Variants in ADAMTS18 observed in about 807,000 individuals in gnomAD.
ADAMTS18 encodes ADAM metallopeptidase with thrombospondin type 1 motif 18, also known as A disintegrin and metalloproteinase with thrombospondin motifs 18.
ADAMTS18 carries 157 observed loss-of-function variants against 165.9 expected under a neutral mutation model. The ratio of observed to expected loss-of-function variants is 0.95; its 90% confidence interval spans 0.83 to 1.08. The LOEUF (loss-of-function observed/expected upper bound fraction) is 1.08. Ranked by LOEUF, ADAMTS18 falls within the 50% of genes least tolerant of loss-of-function variation. The pLI, the probability that ADAMTS18 is intolerant of heterozygous loss-of-function variation, is 0.00. For missense variants in ADAMTS18, 2,040 were observed against 1,534.0 expected, an observed-to-expected ratio of 1.33 and a Z score of -5.51; for synonymous variants, 782 against 578.2, an observed-to-expected ratio of 1.35 and a Z score of -5.06.
intron 17 of ADAMTS18, among the ~76,000 whole-genome samples, chr16:77,297,942 T>TTTTA (rs2055506064): frequency 8.5e-6 from 1 of 118,252 alleles, no homozygotes; most frequent in Non-Finnish European, 1.9e-5. Context: ...TTTTTTTTTT[T>TTTTA]GAGATGGAGT....
At chr16:77,291,593 C>T (rs113752241) in intron 20 of ADAMTS18, 115 bp from the exon 21 acceptor site, 34 of 1,059,150 alleles carry the variant, frequency 3.2e-5, no homozygotes, top group Middle Eastern at 5.4e-4. Context: ...GATGGGATTA[C>T]ACAAGGTCAA....
intron 3 of ADAMTS18, among the ~76,000 whole-genome samples, chr16:77,393,662 C>A (rs1484683411): frequency 1.3e-5 from 2 of 152,176 alleles, no homozygotes. Context: ...AGGGCCCTCT[C>A]CAGAACTGGA....
At chr16:77,288,289 T>G (rs1229941821) in intron 22 of ADAMTS18, among the ~76,000 whole-genome samples, 1 of 152,012 alleles carries the variant, frequency 6.6e-6, no homozygotes, top group East Asian at 1.9e-4. Context: ...AGGGTGGAAA[T>G]GAGAAATCAC....
intron 20 of ADAMTS18, among the ~76,000 whole-genome samples, chr16:77,292,074 G>A (rs1423763280): frequency 6.6e-6 from 1 of 152,128 alleles, no homozygotes; most frequent in African/African-American, 2.4e-5. Context: ...GGAAGTCTGG[G>A]GCAGGTGGAT....
chr16:77,335,388 T>C (rs1457323478), intron 12 of ADAMTS18, among the ~76,000 whole-genome samples: 1 of 151,328 alleles, frequency 6.6e-6, no homozygotes, highest in Non-Finnish European at 1.5e-5. Context: ...GGTACAAAAA[T>C]ATAGTTAGAA....
intron 22 of ADAMTS18, among the ~76,000 whole-genome samples, chr16:77,288,423 A>ATTCTT (rs2055297444): frequency 6.6e-6 from 1 of 151,762 alleles, no homozygotes; most frequent in African/African-American, 2.4e-5. Flanking sequence ...CTTGTGCAAG[A>ATTCTT]TTCTTTAGCA....
intron 10 of ADAMTS18, among the ~76,000 whole-genome samples, chr16:77,351,737 T>C (rs2056559118): frequency 6.6e-6 from 1 of 152,142 alleles, no homozygotes; most frequent in Non-Finnish European, 1.5e-5. Flanking sequence ...TTAATTTTTT[T>C]TTTCTTAGAA....
At chr16:77,409,943 T>C (rs2057439730) in intron 3 of ADAMTS18, among the ~76,000 whole-genome samples, 1 of 152,190 alleles carries the variant, frequency 6.6e-6, no homozygotes, top group Non-Finnish European at 1.5e-5. Flanking sequence ...TCTCAGTATT[T>C]GTCTGGGTGG....
chr16:77,290,121 GTTTCTGTC>G (rs2055334251), intron 21 of ADAMTS18, among the ~76,000 whole-genome samples: 1 of 152,086 alleles, frequency 6.6e-6, no homozygotes, highest in African/African-American at 2.4e-5. Flanking sequence ...ATTGACTGTA[GTTTCTGTC>G]TCAATTAAAA....
chr16:77,408,608 G>A (rs1047577286), intron 3 of ADAMTS18, among the ~76,000 whole-genome samples: 15 of 152,138 alleles, frequency 9.9e-5, no homozygotes, highest in Admixed American at 6.6e-5. Flanking sequence ...GAGAATTAGA[G>A]CACTCTATTG....
intron 8 of ADAMTS18, among the ~76,000 whole-genome samples, chr16:77,356,628 A>ATT (rs60742096): frequency 1.3e-5 from 2 of 151,894 alleles, no homozygotes; most frequent in Non-Finnish European, 2.9e-5. Context: ...TATAATAAAC[A>ATT]TTTTTTTAAC....
intron 11 of ADAMTS18, among the ~76,000 whole-genome samples, chr16:77,337,870 T>C (rs1195180915): frequency 2.0e-5 from 3 of 151,928 alleles, no homozygotes; most frequent in African/African-American, 7.2e-5. Context: ...ATTTAGAATA[T>C]ATACACCTGT....
At chr16:77,298,382 T>C (rs972899467) in intron 17 of ADAMTS18, among the ~76,000 whole-genome samples, 16 of 152,198 alleles carry the variant, frequency 1.1e-4, no homozygotes, top group African/African-American at 3.6e-4. Flanking sequence ...TTATTTACAT[T>C]GGAACTTTGT....
chr16:77,379,283 C>T (rs949377556), intron 3 of ADAMTS18, among the ~76,000 whole-genome samples: 1 of 152,178 alleles, frequency 6.6e-6, no homozygotes, highest in Non-Finnish European at 1.5e-5. Context: ...ATCTCTTATC[C>T]TCCTGCTCCA....
At position 77,434,402 on chromosome 16, in the gene ADAMTS18, G is replaced by A; in HGVS notation, c.178+16C>T. 1 of 1,563,516 alleles carries A rather than the reference G, an allele frequency of 6.4e-7. No individual in the cohort carries two copies. Among genetic ancestry groups the A allele is most frequent in the South Asian group, 1.2e-5 (1 of 86,208 alleles). On this transcript the variant is annotated intron_variant, in intron 2 of 22. Coordinates refer to ENST00000282849, the MANE Select transcript of ADAMTS18 (RefSeq NM_199355.4). ...CTGCGAAAGGCCCTTCTTGGGGATGGGGGGCAAATACGAACCATCATTTAA... is the reference window on the plus strand; with the variant it reads ...CTGCGAAAGGCCCTTCTTGGGGATGAGGGGCAAATACGAACCATCATTTAA...
At chr16:77,382,092 C>A (rs1440810708) in intron 3 of ADAMTS18, among the ~76,000 whole-genome samples, 1 of 152,150 alleles carries the variant, frequency 6.6e-6, no homozygotes, top group Non-Finnish European at 1.5e-5. Context: ...ATCCTGAATG[C>A]CAGAGATACT....
At chr16:77,396,519 G>T (rs540720688) in intron 3 of ADAMTS18, among the ~76,000 whole-genome samples, 1 of 152,160 alleles carries the variant, frequency 6.6e-6, no homozygotes, top group Non-Finnish European at 1.5e-5. Context: ...GAAACACAAG[G>T]CTGAAAAATC....
At chr16:77,332,382 G>C (rs976351515) in intron 12 of ADAMTS18, among the ~76,000 whole-genome samples, 1 of 152,134 alleles carries the variant, frequency 6.6e-6, no homozygotes, top group Non-Finnish European at 1.5e-5. Context: ...TGGTGAGCTT[G>C]GGATGAGGAT....
chr16:77,340,808 T>C (rs2056386889), intron 11 of ADAMTS18, among the ~76,000 whole-genome samples: 1 of 152,068 alleles, frequency 6.6e-6, no homozygotes, highest in Non-Finnish European at 1.5e-5. Flanking sequence ...CTTCAAGCAA[T>C]CCTCCCTGCT....
Sources: gnomAD v4.1 joint callset for allele counts (sites outside exome capture counted in the v4.1 genomes callset) on GRCh38, gnomAD v4.1.1 for gene constraint, MANE v1.5 for transcripts, NCBI Gene and HGNC (gene_info 2026-07-23, HGNC 2026-07-21) for gene names.